The following FBXO42 variants were observed in gnomAD, a reference collection of about 807,000 sequenced individuals.
FBXO42 encodes F-box only protein 42.
A neutral mutation model predicts 71.7 loss-of-function variants in FBXO42; 12 were observed. The observed-to-expected ratio is 0.17, with a 90% CI of 0.11 to 0.27. FBXO42 has a LOEUF of 0.27. Ranked by LOEUF, FBXO42 falls within the 10% of genes least tolerant of loss-of-function variation. FBXO42 has a pLI of 1.00. For synonymous variants in FBXO42, 325 were observed against 327.5 expected (o/e 0.99, Z 0.08); for missense variants, 707 against 911.9 (o/e 0.78, Z 2.89).
chr1:16,260,911 C>T (rs2081704953), intron 4 of FBXO42, among the ~76,000 whole-genome samples: 1 of 151,878 alleles, frequency 6.6e-6, no homozygotes, highest in South Asian at 2.1e-4. Flanking sequence ...TCTGTGTTGC[C>T]CAGACTGGTC....
At chr1:16,346,107 G>C (rs1216287426) in intron 1 of FBXO42, among the ~76,000 whole-genome samples, 1 of 152,130 alleles carries the variant, frequency 6.6e-6, no homozygotes, top group Non-Finnish European at 1.5e-5. Flanking sequence ...GTACAATATA[G>C]TGATACAGAA....
At chr1:16,295,689 G>A (rs758134944) in intron 3 of FBXO42, among the ~76,000 whole-genome samples, 50 of 152,010 alleles carry the variant, frequency 3.3e-4, no homozygotes, top group Non-Finnish European at 6.9e-4. Context: ...CACCATGCCC[G>A]GCCAATAAAT....
chr1:16,311,398 G>A (rs2082310580), intron 2 of FBXO42, among the ~76,000 whole-genome samples: 1 of 149,804 alleles, frequency 6.7e-6, no homozygotes, highest in Non-Finnish European at 1.5e-5. Flanking sequence ...TGAGGCGAGA[G>A]GATTGCTTGA....
At chr1:16,321,024 C>G (rs1419192276) in intron 1 of FBXO42, among the ~76,000 whole-genome samples, 1 of 152,144 alleles carries the variant, frequency 6.6e-6, no homozygotes, top group Non-Finnish European at 1.5e-5. Flanking sequence ...ATTTACATTA[C>G]TATTTTTCCC....
In FBXO42 at chr1:16,307,308, G is replaced by A. The variant is rs1268246625; in HGVS notation, c.251-1389C>T. On this transcript the variant is annotated intron_variant, in intron 2 of 9. Transcript: ENST00000375592. ...GAAGCCAGGAGTTTGAGACCAGCCC[G>A]GGCAACATAGCAAGACCCCATTTCT... Among the ~76,000 whole-genome samples, 11 of 152,144 alleles carry A rather than the reference G, an allele frequency of 7.2e-5. 1 individual carries two copies. The highest frequency in any genetic ancestry group is 2.2e-4 in the African/African-American group (9 of 41,512).
chr1:16,345,128 A>T (rs1458248586), intron 1 of FBXO42, among the ~76,000 whole-genome samples: 1 of 151,616 alleles, frequency 6.6e-6, no homozygotes, highest in Admixed American at 6.6e-5. Context: ...AAAAACATAT[A>T]TATATATTTT....
At position 16,251,300 on chromosome 1, in the gene FBXO42, G is replaced by A. The variant is rs772327584; in HGVS notation, c.1524C>T (p.Pro508=). 1.7e-5 allele frequency: 27 copies of A among 1,614,090 alleles called. 1 individual carries two copies. Among genetic ancestry groups the A allele is most frequent in the South Asian group, 7.7e-5 (7 of 91,088 alleles). ...CATCCATGGGATTACTACTGGAAGC[G>A]GGTTTCAGATCCCAATTCAGATCTA... ...GSIDLNWDLK[P]ASSSNPMDGM... The change falls in exon 10 of 10, where the codon CCC becomes CCT. Residue 508 remains proline (P), a synonymous_variant. Transcript: ENST00000375592. This position sits in a 1 kb window ranked among gnomAD's most constrained non-coding sequence, Gnocchi z 4.5.
At chr1:16,255,604 G>T in intron 6 of FBXO42, 107 bp downstream of exon 6, 1 of 884,694 alleles carries the variant, frequency 1.1e-6, no homozygotes, top group Non-Finnish European at 1.7e-6. Context: ...CAAAATGCTG[G>T]GATTACAGGT....
intron 1 of FBXO42, among the ~76,000 whole-genome samples, chr1:16,317,376 C>A (rs191193489): frequency 5.9e-4 from 90 of 152,202 alleles, no homozygotes; most frequent in African/African-American, 2.0e-3. Flanking sequence ...AGAGATCACT[C>A]CGCACTCCAG....
intron 1 of FBXO42, among the ~76,000 whole-genome samples, chr1:16,341,609 TAAAAAAAAAAAAAAAA>T (rs34904915): frequency 8.8e-6 from 1 of 113,282 alleles, no homozygotes; most frequent in Non-Finnish European, 1.7e-5. Flanking sequence ...CTGCGTCTTT[TAAAAAAAAAAAAAAAA>T]AAAAAAAAAG....
intron 1 of FBXO42, among the ~76,000 whole-genome samples, chr1:16,350,709 T>C (rs1222005299): frequency 8.4e-6 from 1 of 119,286 alleles, no homozygotes; most frequent in Admixed American, 1.1e-4. Flanking sequence ...ACTGTGCTAC[T>C]GCACTCCAGC....
At chr1:16,256,811 C>T (rs777115195) in intron 4 of FBXO42, 52 bp from the exon 5 acceptor site, 42 of 1,587,504 alleles carry the variant, frequency 2.6e-5, no homozygotes, top group Admixed American at 6.7e-5. Context: ...CACAACAATC[C>T]GTAGTTAGGC....
chr1:16,352,209 A>C (rs1011637563), intron 1 of FBXO42, 46 bp downstream of exon 1: 2 of 392,164 alleles, frequency 5.1e-6, no homozygotes, highest in South Asian at 1.4e-4. Context: ...AAAGGGCAGA[A>C]GGCGCCGGCT....
intron 4 of FBXO42, among the ~76,000 whole-genome samples, chr1:16,273,669 T>C (rs2081868746): frequency 6.6e-6 from 1 of 151,168 alleles, no homozygotes. Flanking sequence ...CTCTTGAGCC[T>C]AGGAGTTCAA....
intron 2 of FBXO42, among the ~76,000 whole-genome samples, chr1:16,309,300 A>G (rs2082288590): frequency 1.3e-5 from 2 of 148,190 alleles, no homozygotes; most frequent in Admixed American, 6.7e-5. Context: ...GATGGTCTCA[A>G]TCTCTTGACC....
chr1:16,289,709 C>T (rs182003683), intron 4 of FBXO42, among the ~76,000 whole-genome samples: 13 of 152,242 alleles, frequency 8.5e-5, no homozygotes, highest in African/African-American at 2.4e-4. Flanking sequence ...AACAAAAAGT[C>T]TCCTGTTTAA....
Position 16,252,993 on chromosome 1 carries a change from G to T in FBXO42, c.921+103C>A. 2.1e-6 allele frequency: 2 copies of T among 961,260 alleles called. No homozygotes were observed. The highest frequency in any genetic ancestry group is 3.1e-6 in the Non-Finnish European group (2 of 651,660). The allele number at this position is 961,260 out of a possible 1,614,324, so 59.5% of individuals were successfully genotyped here. On this transcript the variant is annotated intron_variant, in intron 8 of 9. Coordinates refer to ENST00000375592, the MANE Select transcript of FBXO42 (RefSeq NM_018994.3). The surrounding 1 kb of genome is among the most constrained non-coding windows in gnomAD (Gnocchi z 4.4). The stretch of plus-strand genomic sequence containing the variant: ...CAAAAAGCATTCCTTAAATTAAAAT[G>T]CCATGGAAATAGTCTTGTATACTCC...
intron 1 of FBXO42, among the ~76,000 whole-genome samples, chr1:16,340,461 A>C (rs7520404): frequency 0.68 from 103,536 of 151,692 alleles, 36,394 homozygotes; most frequent in East Asian, 0.86. Context: ...GCTGGAATTA[A>C]AGGCGCCCAC....
chr1:16,349,756 G>A (rs1324695499), intron 1 of FBXO42, among the ~76,000 whole-genome samples: 3 of 152,208 alleles, frequency 2.0e-5, no homozygotes, highest in Non-Finnish European at 4.4e-5. Context: ...CAGTTACTCA[G>A]GAAGCTGAGG....
Sources: gnomAD v4.1 joint callset for allele counts (sites outside exome capture counted in the v4.1 genomes callset) on GRCh38, gnomAD v4.1.1 for gene constraint, Gnocchi (gnomAD v3.1) non-coding constraint, MANE v1.5 for transcripts, NCBI Gene and HGNC (gene_info 2026-07-23, HGNC 2026-07-21) for gene names.